The following MAP3K7 variants were observed in gnomAD, a reference collection of about 807,000 sequenced individuals.
MAP3K7 encodes the protein mitogen-activated protein kinase kinase kinase 7.
In MAP3K7, 21 loss-of-function variants were observed where a neutral mutation model predicts 84.8. That is an observed-to-expected ratio of 0.25 (90% CI 0.18 to 0.36). MAP3K7 has a LOEUF of 0.36. MAP3K7 is among the 10% of genes least tolerant of loss of function. The probability of loss-of-function intolerance (pLI) is 1.00; values close to 1 mark genes in which losing one functional copy is unlikely to be tolerated. For missense variants in MAP3K7, 503 were observed against 747.7 expected (o/e 0.67, Z 3.82); for synonymous variants, 241 against 247.7 (o/e 0.97, Z 0.25).
rs551598742 is a variant in MAP3K7 at position 90,568,910 on chromosome 6, G to C, written c.232-287C>G. 2.0e-5 allele frequency among the ~76,000 whole-genome samples: 3 copies of C among 152,200 alleles called. No homozygotes were observed. In the South Asian group the frequency reaches 6.2e-4, roughly 32 times the overall value. On this transcript the variant is annotated intron_variant, in intron 2 of 16. Coordinates refer to ENST00000369329, the MANE Select transcript of MAP3K7 (RefSeq NM_145331.3). ...GTGCTATAACAGGAGTTATGAACAA[G>C]GCACGATGAGTATATAGAATAAGAA...
chr6:90,580,570 T>A (rs1466316522), intron 1 of MAP3K7, among the ~76,000 whole-genome samples: 1 of 152,200 alleles, frequency 6.6e-6, no homozygotes, highest in Admixed American at 6.5e-5. Context: ...ATCTCCCACC[T>A]TGGCCTCCCA....
chr6:90,566,676 T>C (rs1414250926), intron 3 of MAP3K7, among the ~76,000 whole-genome samples: 2 of 152,206 alleles, frequency 1.3e-5, no homozygotes, highest in African/African-American at 4.8e-5. Context: ...CCCATCAAGC[T>C]ACCAATGACT....
chr6:90,528,220 T>C (rs1370570803), intron 13 of MAP3K7, among the ~76,000 whole-genome samples: 1 of 152,196 alleles, frequency 6.6e-6, no homozygotes, highest in Non-Finnish European at 1.5e-5. Context: ...TCTTGATGTG[T>C]TACTGAGTAC....
In MAP3K7 at chr6:90,551,845, C is replaced by T. The variant is rs542460874; in HGVS notation, c.867+204G>A. On this transcript the variant is annotated intron_variant, in intron 8 of 16. Transcript: ENST00000369329. ...AGCAAGTCTAGAAACCTAGTCTAGC[C>T]ATCTTTCCAGTGATAAAGAACTAGA... 3.6e-5 allele frequency: 16 copies of T among 444,378 alleles called. No homozygotes were observed. The African/African-American group carries it at 3.7e-4, about 10-fold the overall frequency. The allele number at this position is 444,378 out of a possible 1,614,324, so 27.5% of individuals were successfully genotyped here.
intron 7 of MAP3K7, 98 bp from the exon 8 acceptor site, chr6:90,552,277 G>T: frequency 8.8e-7 from 1 of 1,134,858 alleles, no homozygotes. Flanking sequence ...TTATTTTATA[G>T]ATCTTGTAGT....
intron 3 of MAP3K7, among the ~76,000 whole-genome samples, chr6:90,566,447 G>C (rs986106947): frequency 1.3e-5 from 2 of 152,138 alleles, no homozygotes; most frequent in Non-Finnish European, 2.9e-5. Context: ...AATCATGAGT[G>C]AACTCCCATT....
chr6:90,556,980 G>A (rs1012725523), intron 5 of MAP3K7, among the ~76,000 whole-genome samples: 1 of 152,068 alleles, frequency 6.6e-6, no homozygotes, highest in Non-Finnish European at 1.5e-5. Context: ...TGAAATGGGA[G>A]TTTAATCATA....
intron 13 of MAP3K7, among the ~76,000 whole-genome samples, chr6:90,528,302 A>G (rs1179300748): frequency 6.6e-6 from 1 of 152,250 alleles, no homozygotes; most frequent in Non-Finnish European, 1.5e-5. Context: ...GAAGAATCTT[A>G]TATCTAGCTT....
intron 3 of MAP3K7, among the ~76,000 whole-genome samples, chr6:90,568,277 T>C (rs1468139734): frequency 6.6e-6 from 1 of 151,770 alleles, no homozygotes; most frequent in Middle Eastern, 3.2e-3. Context: ...AAAAAAATAA[T>C]AATATGGGAG....
Position 90,552,057 on chromosome 6 carries a change from A to G in MAP3K7, c.859T>C (p.Leu287=). 6.2e-7 allele frequency: 1 copy of G among 1,610,350 alleles called. No homozygotes were observed. The highest frequency in any genetic ancestry group is 8.5e-7 in the Non-Finnish European group (1 of 1,177,084). Residue 287 remains leucine, a synonymous_variant, in exon 8 of 17, where the codon TTG becomes CTG. Transcript: ENST00000369329. ...CAAAAGAAGGATTATACCCGCATCAAGTGAGTCATTATTTTCACAATTTCC... is the reference window on the plus strand; with the variant it reads ...CAAAAGAAGGATTATACCCGCATCAGGTGAGTCATTATTTTCACAATTTCC... The part of the protein sequence containing the change: ...MEEIVKIMTH[L]MRYFPGADEP...
rs972186063 is a variant in MAP3K7, at chr6:90,542,218, C to T, written c.1291+2334G>A. The T allele has an allele frequency of 1.3e-5, 13 of 982,030 alleles. No homozygotes were observed. The African/African-American group carries it at 1.4e-4, about 11-fold the overall frequency. 60.8% of individuals were successfully genotyped at this position (982,030 alleles called of 1,614,324 possible). Reference sequence around the variant, plus strand: ...ATTTGAGATATTCCCAAAGGATGGGCGGTATTTTTATATTTAATTTAAAAA... The same window carrying T: ...ATTTGAGATATTCCCAAAGGATGGGTGGTATTTTTATATTTAATTTAAAAA... On this transcript the variant is annotated intron_variant, in intron 12 of 16. Coordinates refer to ENST00000369329, the MANE Select transcript of MAP3K7 (RefSeq NM_145331.3).
At chr6:90,539,040 A>G (rs1029790240) in intron 12 of MAP3K7, among the ~76,000 whole-genome samples, 1 of 151,916 alleles carries the variant, frequency 6.6e-6, no homozygotes, top group East Asian at 1.9e-4. Context: ...CATGTGTAAA[A>G]TACCCAAGAT....
intron 14 of MAP3K7, among the ~76,000 whole-genome samples, chr6:90,521,565 T>C (rs1342821859): frequency 6.6e-6 from 1 of 152,080 alleles, no homozygotes; most frequent in Non-Finnish European, 1.5e-5. Context: ...GCTTGTACTA[T>C]AAATTTAGTA....
rs751751419 is a variant in MAP3K7 at position 90,571,760 on chromosome 6, T to G, written c.168A>C (p.Arg56Ser). ...AFGVVCKAKW[R>S]AKDVAIKQIE... Reference sequence around the variant, plus strand: ...TTTGTTTAATAGCAACATCTTTTGCTCTCCACTTAGCTTTGCAAACAACTC... The same window carrying G: ...TTTGTTTAATAGCAACATCTTTTGCGCTCCACTTAGCTTTGCAAACAACTC... Residue 56 changes from arginine (R) to serine (S), a missense_variant, in exon 2 of 17, where the codon AGA (arginine) becomes AGC (serine). Physicochemically the swap from Arg to Ser is moderately radical, Grantham distance 110. Around this residue, in one of 5 missense-constraint regions of MAP3K7, gnomAD observed 97 missense variants for 270.8 expected, o/e 0.36. Coordinates refer to ENST00000369329, the MANE Select transcript of MAP3K7 (RefSeq NM_145331.3). The G allele has an allele frequency of 1.9e-6, 3 of 1,607,040 alleles. No individual in the cohort carries two copies. The highest frequency in any genetic ancestry group is 3.4e-5 in the Admixed American group (2 of 58,936).
chr6:90,583,583 A>T (rs1204133220), intron 1 of MAP3K7, among the ~76,000 whole-genome samples: 1 of 152,218 alleles, frequency 6.6e-6, no homozygotes, highest in Non-Finnish European at 1.5e-5. Flanking sequence ...AAAACAGTTA[A>T]ATACTGGAAA....
chr6:90,517,036 T>C (rs1378798714), intron 16 of MAP3K7, among the ~76,000 whole-genome samples: 1 of 151,896 alleles, frequency 6.6e-6, no homozygotes, highest in Non-Finnish European at 1.5e-5. Context: ...ATGAAGTTTT[T>C]ATCCTTCACA....
intron 8 of MAP3K7, 87 bp downstream of exon 8, chr6:90,551,962 G>C (rs1428212480): frequency 1.4e-6 from 2 of 1,417,906 alleles, no homozygotes; most frequent in Non-Finnish European, 1.9e-6. Flanking sequence ...GCAGAATATA[G>C]TAATAACATC....
chr6:90,515,926 T>A lies in MAP3K7; in HGVS notation c.*575A>T, dbSNP rs1352506406. The A allele has an allele frequency of 6.6e-6, 1 of 152,470 alleles. No homozygotes were observed. Among genetic ancestry groups the A allele is most frequent in the Non-Finnish European group, 1.5e-5 (1 of 67,962 alleles). The allele number at this position is 152,470 out of a possible 1,614,324, so 9.4% of individuals were successfully genotyped here. The stretch of plus-strand genomic sequence containing the variant: ...CACTTACCTTTACATATTTTACGGA[T>A]GGAACTGAGTTCAGTACTGATCCAA... On this transcript the variant is annotated 3_prime_UTR_variant, in exon 17 of 17. Transcript: ENST00000369329.
At chr6:90,555,004 A>C (rs959121484) in intron 6 of MAP3K7, among the ~76,000 whole-genome samples, 3 of 152,224 alleles carry the variant, frequency 2.0e-5, no homozygotes, top group African/African-American at 7.2e-5. Flanking sequence ...AATAAGCTAT[A>C]ACCAGAGTCT....
Sources: gnomAD v4.1 joint callset for allele counts (sites outside exome capture counted in the v4.1 genomes callset) on GRCh38, gnomAD v4.1.1 for gene constraint, gnomAD v4.1.1 regional missense constraint, MANE v1.5 for transcripts, NCBI Gene and HGNC (gene_info 2026-07-23, HGNC 2026-07-21) for gene names.